The following KCNMB2 variants were observed in gnomAD, a reference collection of about 807,000 sequenced individuals.
KCNMB2 encodes potassium calcium-activated channel subfamily M regulatory beta subunit 2, also known as calcium-activated potassium channel subunit beta-2.
In KCNMB2, 9 loss-of-function variants were observed where a neutral mutation model predicts 24.5. That is an observed-to-expected ratio of 0.37 (90% CI 0.22 to 0.64). The LOEUF (loss-of-function observed/expected upper bound fraction) is 0.64, where lower values mean the gene tolerates loss of function less well. Among genes scored for constraint, KCNMB2 ranks in the 30% least tolerant of loss-of-function variants. The pLI, the probability that KCNMB2 is intolerant of heterozygous loss-of-function variation, is 0.63. For missense variants in KCNMB2, 226 were observed against 284.3 expected (o/e 0.79, Z 1.47); for synonymous variants, 109 against 104.4 (o/e 1.04, Z -0.27).
At chr3:178,540,880 A>G (rs1054340447) in intron 1 of KCNMB2, among the ~76,000 whole-genome samples, 1 of 152,232 alleles carries the variant, frequency 6.6e-6, no homozygotes, top group Non-Finnish European at 1.5e-5. Context: ...TGTAAACTCT[A>G]TGAAAGCAGG....
rs192106219 is a variant in KCNMB2, at chr3:178,655,217, C to A, written c.-68+118506C>A. On this transcript the variant is annotated intron_variant, in intron 1 of 4. Coordinates refer to ENST00000452583, the MANE Select transcript of KCNMB2 (RefSeq NM_181361.3). ...CTTTCCATGTCCAAGAAAAGAAAAT[C>A]TTGCACAAACTAGGAATGGTACTTC... Among the ~76,000 whole-genome samples, 4 of 150,942 alleles carry A rather than the reference C, an allele frequency of 2.7e-5. No individual in the cohort carries two copies. The East Asian group carries it at 7.9e-4, about 30-fold the overall frequency.
Position 178,644,308 on chromosome 3 carries a change from G to A in KCNMB2, c.-68+107597G>A, listed in dbSNP as rs1577068517. 2.6e-5 allele frequency among the ~76,000 whole-genome samples: 4 copies of A among 152,360 alleles called. No individual in the cohort carries two copies. In the East Asian group the frequency reaches 7.7e-4, roughly 29 times the overall value. On this transcript the variant is annotated intron_variant, in intron 1 of 4. Transcript: ENST00000452583. ...TGAGAGAGCACATTTAGCCAAGGAAGAGAGGTGGGTCATTATTGGAGTGTT... is the reference window on the plus strand; with the variant it reads ...TGAGAGAGCACATTTAGCCAAGGAAAAGAGGTGGGTCATTATTGGAGTGTT...
At chr3:178,719,550 T>C (rs1722727251) in intron 1 of KCNMB2, among the ~76,000 whole-genome samples, 1 of 152,220 alleles carries the variant, frequency 6.6e-6, no homozygotes, top group Non-Finnish European at 1.5e-5. Context: ...TTCCTTTTTC[T>C]TTCTTTTTTT....
At chr3:178,626,859 T>C (rs1191247866) in intron 1 of KCNMB2, among the ~76,000 whole-genome samples, 1 of 149,206 alleles carries the variant, frequency 6.7e-6, no homozygotes, top group East Asian at 1.9e-4. Context: ...ATAACTTATA[T>C]AGAGAGAATA....
intron 1 of KCNMB2, among the ~76,000 whole-genome samples, chr3:178,765,615 T>TTG (rs1314517537): frequency 9.6e-4 from 84 of 87,738 alleles, no homozygotes; most frequent in African/African-American, 5.4e-3. Context: ...CTGCTAGAAT[T>TTG]TGTGTGTGTG....
intron 1 of KCNMB2, among the ~76,000 whole-genome samples, chr3:178,578,766 C>G (rs1717088760): frequency 6.6e-6 from 1 of 151,902 alleles, no homozygotes. Context: ...TAACAAAGAT[C>G]AAAAAAGACA....
intron 1 of KCNMB2, among the ~76,000 whole-genome samples, chr3:178,745,171 A>G (rs567235786): frequency 6.6e-5 from 10 of 152,328 alleles, no homozygotes; most frequent in South Asian, 2.1e-4. Flanking sequence ...CATGCTGCTG[A>G]TAAAGACATA....
intron 2 of KCNMB2, among the ~76,000 whole-genome samples, chr3:178,810,993 C>T (rs1480220926): frequency 6.7e-6 from 1 of 148,414 alleles, no homozygotes; most frequent in East Asian, 2.0e-4. Flanking sequence ...ACCTCGTGAT[C>T]CGCCCACCTC....
At chr3:178,573,505 C>T (rs1460696790) in intron 1 of KCNMB2, among the ~76,000 whole-genome samples, 2 of 151,320 alleles carry the variant, frequency 1.3e-5, no homozygotes, top group African/African-American at 4.9e-5. Context: ...TTTGAGAAAC[C>T]AAGGCAGGAG....
intron 1 of KCNMB2, among the ~76,000 whole-genome samples, chr3:178,646,498 T>C (rs965758092): frequency 1.5e-4 from 23 of 152,258 alleles, no homozygotes; most frequent in African/African-American, 4.1e-4. Flanking sequence ...CTCTGACTTA[T>C]AGGAAGATAA....
intron 1 of KCNMB2, among the ~76,000 whole-genome samples, chr3:178,784,858 C>T (rs994322645): frequency 7.4e-6 from 1 of 135,496 alleles, no homozygotes; most frequent in Non-Finnish European, 1.5e-5. Flanking sequence ...TCTAAGTGGC[C>T]TTTTACCTGA....
intron 1 of KCNMB2, among the ~76,000 whole-genome samples, chr3:178,636,580 T>G (rs189278406): frequency 1.1e-4 from 17 of 152,326 alleles, no homozygotes; most frequent in Non-Finnish European, 1.8e-4. Flanking sequence ...AAAGAAAAAC[T>G]GCACTCACTC....
At chr3:178,830,579 T>C (rs1577221833) in intron 4 of KCNMB2, among the ~76,000 whole-genome samples, 1 of 152,192 alleles carries the variant, frequency 6.6e-6, no homozygotes, top group East Asian at 1.9e-4. Flanking sequence ...TCACCAACCC[T>C]ATGGGTATGA....
intron 1 of KCNMB2, among the ~76,000 whole-genome samples, chr3:178,784,874 T>TAAAAAAAAAAAAAAAAAAAAAAAAAAAAA: frequency 8.2e-6 from 1 of 121,394 alleles, no homozygotes; most frequent in South Asian, 2.7e-4. Flanking sequence ...CCTGAAGCCT[T>TAAAAAAAAAAAAAAAAAAAAAAAAAAAAA]AAAAAAAAAA....
In KCNMB2 at chr3:178,568,828, AG is replaced by A. The variant is rs1560112316; in HGVS notation, c.-68+32118del. On this transcript the variant is annotated intron_variant, in intron 1 of 4. Transcript: ENST00000452583. ...ATAGATAGATAGATAATAGATAGAT[AG>A]ATGATAGATAGATAGATAGATAGAT... Among the ~76,000 whole-genome samples, 18 of 76,050 alleles carry A rather than the reference AG, an allele frequency of 2.4e-4. 2 individuals carry two copies. The highest frequency in any genetic ancestry group is 7.0e-4 in the East Asian group (2 of 2,860). The allele number at this position is 76,050 out of a possible 152,430, so 49.9% of individuals were successfully genotyped here.
At chr3:178,646,691 A>G (rs866584346) in intron 1 of KCNMB2, among the ~76,000 whole-genome samples, 12 of 152,182 alleles carry the variant, frequency 7.9e-5, no homozygotes, top group African/African-American at 2.2e-4. Context: ...TCTGGCATCA[A>G]TCTCCCAAGC....
chr3:178,765,397 T>C (rs1193967846), intron 1 of KCNMB2, among the ~76,000 whole-genome samples: 1 of 152,212 alleles, frequency 6.6e-6, no homozygotes, highest in African/African-American at 2.4e-5. Context: ...TTTTATAAAA[T>C]AAAACCACCT....
intron 1 of KCNMB2, among the ~76,000 whole-genome samples, chr3:178,722,416 A>G (rs890008174): frequency 6.6e-6 from 1 of 152,242 alleles, no homozygotes; most frequent in Non-Finnish European, 1.5e-5. Context: ...CATCTGGCAC[A>G]GGCCTTCTTG....
chr3:178,623,491 T>C (rs931151025), intron 1 of KCNMB2, among the ~76,000 whole-genome samples: 12 of 152,174 alleles, frequency 7.9e-5, no homozygotes, highest in Non-Finnish European at 8.8e-5. Flanking sequence ...AACTAAATAA[T>C]ATTCAGTTGA....
Sources: allele counts gnomAD v4.1 joint callset (sites outside exome capture counted in the v4.1 genomes callset), GRCh38; gene constraint gnomAD v4.1.1; transcripts MANE v1.5; gene names NCBI Gene and HGNC (gene_info 2026-07-23, HGNC 2026-07-21).